Variants in VCL observed in about 807,000 individuals in gnomAD.
The protein encoded by VCL is epididymis luminal protein 114.
Under a neutral mutation model 125.7 loss-of-function variants are expected in VCL, and 47 were observed. The ratio of observed to expected loss-of-function variants is 0.37; its 90% confidence interval spans 0.30 to 0.48. The LOEUF (loss-of-function observed/expected upper bound fraction) is 0.48, where lower values mean the gene tolerates loss of function less well. Ranked by LOEUF, VCL falls within the 20% of genes least tolerant of loss-of-function variation. The pLI is 0.99. For synonymous variants in VCL, 458 were observed against 514.6 expected (o/e 0.89, Z 1.49); for missense variants, 1,069 against 1,455.5 (o/e 0.73, Z 4.32).
intron 2 of VCL, among the ~76,000 whole-genome samples, chr10:74,052,380 T>C (rs1233881548): frequency 6.7e-6 from 1 of 148,456 alleles, no homozygotes; most frequent in Non-Finnish European, 1.5e-5. Flanking sequence ...GTTAGTTTTT[T>C]TTTTTTTTTT....
chr10:74,091,136 GA>G (rs1839876544), intron 10 of VCL, among the ~76,000 whole-genome samples: 1 of 151,978 alleles, frequency 6.6e-6, no homozygotes. Context: ...TCACTTTTAA[GA>G]AAAAAACCCC....
intron 2 of VCL, among the ~76,000 whole-genome samples, chr10:74,052,092 C>G (rs910469764): frequency 4.6e-5 from 7 of 151,934 alleles, no homozygotes; most frequent in African/African-American, 1.7e-4. Flanking sequence ...TCAGTTGTTG[C>G]CATGGAAAGG....
chr10:74,066,166 TCTC>T (rs543576790), intron 2 of VCL, among the ~76,000 whole-genome samples: 9,470 of 151,680 alleles, frequency 0.062, 1,015 homozygotes, highest in African/African-American at 0.22. Flanking sequence ...TTCAAGTAAT[TCTC>T]CTGCCTCAGC....
At chr10:74,110,913 T>C (rs1461559064) in intron 18 of VCL, among the ~76,000 whole-genome samples, 1 of 152,222 alleles carries the variant, frequency 6.6e-6, no homozygotes, top group Non-Finnish European at 1.5e-5. Flanking sequence ...ATTCATGTTC[T>C]CTCCATCATG....
intron 1 of VCL, among the ~76,000 whole-genome samples, chr10:74,035,591 C>T (rs1304572269): frequency 1.3e-5 from 2 of 152,152 alleles, no homozygotes; most frequent in African/African-American, 4.8e-5. Context: ...ATAGTTGGCA[C>T]TTACTGCTTG....
chr10:74,057,003 G>C (rs929322683), intron 2 of VCL, among the ~76,000 whole-genome samples: 5 of 152,062 alleles, frequency 3.3e-5, no homozygotes, highest in South Asian at 2.1e-4. Flanking sequence ...AGAGTACAGT[G>C]GCATGATCTT....
chr10:74,074,110 G>C (rs76932597), intron 5 of VCL, among the ~76,000 whole-genome samples: 9,575 of 152,212 alleles, frequency 0.063, 1,039 homozygotes, highest in African/African-American at 0.22. Context: ...GTGGCAGACG[G>C]CTATAATCCC....
At chr10:74,070,906 G>A in intron 3 of VCL, 69 bp from the exon 4 acceptor site, 1 of 1,610,434 alleles carries the variant, frequency 6.2e-7, no homozygotes, top group Non-Finnish European at 8.5e-7. Flanking sequence ...GTTGAATGCT[G>A]CACATCTGTG....
At chr10:74,084,314 C>T (rs539152836) in intron 8 of VCL, among the ~76,000 whole-genome samples, 29 of 150,974 alleles carry the variant, frequency 1.9e-4, no homozygotes, top group African/African-American at 6.6e-4. Flanking sequence ...TATTTAGAGA[C>T]GGAGTCTCGC....
chr10:74,052,989 T>C (rs1841334050), intron 2 of VCL, among the ~76,000 whole-genome samples: 1 of 150,934 alleles, frequency 6.6e-6, no homozygotes, highest in African/African-American at 2.4e-5. Context: ...AATTTGCTAA[T>C]ATTTTAAAAG....
In VCL at chr10:74,002,969, A is replaced by G. The variant is rs187813899; in HGVS notation, c.168+4594A>G. 5.7e-3 allele frequency among the ~76,000 whole-genome samples: 866 copies of G among 151,322 alleles called. 10 individuals carry two copies. Among genetic ancestry groups the G allele is most frequent in the African/African-American group, 0.019 (793 of 41,188 alleles). ...TAATTTCATGTATATTTGCTAAGCA[A>G]AGTAGTCTGGTCACTGATATATATA... On this transcript the variant is annotated intron_variant, in intron 1 of 21. Coordinates refer to ENST00000211998, the MANE Select transcript of VCL (RefSeq NM_014000.3).
intron 11 of VCL, among the ~76,000 whole-genome samples, chr10:74,095,062 T>C (rs185517595): frequency 6.6e-6 from 1 of 152,216 alleles, no homozygotes; most frequent in African/African-American, 2.4e-5. Context: ...AAATTTGGTA[T>C]TAGATGTCAA....
intron 2 of VCL, among the ~76,000 whole-genome samples, chr10:74,055,075 A>C (rs1274282776): frequency 2.0e-5 from 3 of 151,992 alleles, no homozygotes. Context: ...TAAGGTGGGC[A>C]GATCACTTGA....
At position 74,072,824 on chromosome 10, in the gene VCL, G is replaced by C. The variant is rs1554816794; in HGVS notation, c.594G>C (p.Val198=). ...RVMLVNSMNT[V]KELLPVLISA... Reference sequence around the variant, plus strand: ...TGTTGGTGAACTCGATGAACACCGTGAAAGAGTTGCTGCCAGTTCTCATTT... The same window carrying C: ...TGTTGGTGAACTCGATGAACACCGTCAAAGAGTTGCTGCCAGTTCTCATTT... The change falls in exon 5 of 22, where the codon GTG becomes GTC. Residue 198 remains valine (V), a synonymous_variant. Coordinates refer to ENST00000211998, the MANE Select transcript of VCL (RefSeq NM_014000.3). 5 of 1,614,118 alleles carry C rather than the reference G, an allele frequency of 3.1e-6. No individual in the cohort carries two copies. Among genetic ancestry groups the C allele is most frequent in the Admixed American group, 1.7e-5 (1 of 60,028 alleles).
intron 1 of VCL, among the ~76,000 whole-genome samples, chr10:74,015,725 C>T (rs1313384493): frequency 2.0e-5 from 3 of 150,552 alleles, no homozygotes; most frequent in Admixed American, 2.0e-4. Context: ...CACTCTGTTG[C>T]CCAGGCTAGA....
intron 9 of VCL, 48 bp downstream of exon 9, chr10:74,089,397 C>A: frequency 6.2e-7 from 1 of 1,608,404 alleles, no homozygotes; most frequent in Middle Eastern, 1.8e-4. Context: ...TCATAAATAT[C>A]CTAAGTCATA....
rs1046833518 is a variant in VCL at position 74,119,383 on chromosome 10, A to G, written c.*1214A>G. ...CAGACTAGAATTCTAGTGCTGCTGAAGATGAATCAATGGGAAATACTACTC... is the reference window on the plus strand; with the variant it reads ...CAGACTAGAATTCTAGTGCTGCTGAGGATGAATCAATGGGAAATACTACTC... On this transcript the variant is annotated 3_prime_UTR_variant, in exon 22 of 22. Coordinates refer to ENST00000211998, the MANE Select transcript of VCL (RefSeq NM_014000.3). 1 of 152,240 alleles carries G rather than the reference A, an allele frequency of 6.6e-6. No homozygotes were observed. The highest frequency in any genetic ancestry group is 2.4e-5 in the African/African-American group (1 of 41,466). The allele number at this position is 152,240 out of a possible 1,614,324, so 9.4% of individuals were successfully genotyped here.
At chr10:74,037,734 G>T (rs1005657948) in intron 1 of VCL, among the ~76,000 whole-genome samples, 5 of 152,286 alleles carry the variant, frequency 3.3e-5, no homozygotes, top group Admixed American at 6.5e-5. Context: ...CTACTGGGCA[G>T]CTTCTCCTTT....
In VCL at chr10:74,083,495, T is replaced by C; in HGVS notation, c.1004T>C (p.Val335Ala). 1.2e-6 allele frequency: 2 copies of C among 1,614,076 alleles called. No individual in the cohort carries two copies. Among genetic ancestry groups the C allele is most frequent in the Non-Finnish European group, 1.7e-6 (2 of 1,179,956 alleles). Residue 335 changes from valine to alanine, a missense_variant, in exon 8 of 22, where the codon GTG becomes GCG. Val to Ala is a moderately conservative substitution (Grantham distance 64). Around this residue, in one of 6 missense-constraint regions of VCL, gnomAD observed 760 missense variants for 928.9 expected, o/e 0.82. Transcript: ENST00000211998. ...CKMLGQMTDQ[V>A]ADLRARGQGS... ...ATGCTAGGGCAGATGACTGATCAAG[T>C]GGCTGACCTCCGTGCCAGGTAAAAG...
Sources: gnomAD v4.1 joint callset for allele counts (sites outside exome capture counted in the v4.1 genomes callset) on GRCh38, gnomAD v4.1.1 for gene constraint, gnomAD v4.1.1 regional missense constraint, MANE v1.5 for transcripts, NCBI Gene and HGNC (gene_info 2026-07-23, HGNC 2026-07-21) for gene names.